Variants in ALPL observed in about 807,000 individuals in gnomAD.
ALPL encodes alkaline phosphatase, tissue-nonspecific isozyme.
Under a neutral mutation model 51.3 loss-of-function variants are expected in ALPL, and 42 were observed. The observed-to-expected ratio is 0.82, with a 90% confidence interval of 0.64 to 1.06. ALPL has a LOEUF of 1.06. Among genes scored for constraint, ALPL ranks in the 50% least tolerant of loss-of-function variants. The pLI is 0.00. For synonymous variants in ALPL, 279 were observed against 296.4 expected (o/e 0.94, Z 0.60); for missense variants, 589 against 709.4 (o/e 0.83, Z 1.93).
At position 21,544,042 on chromosome 1, in the gene ALPL, C is replaced by G. The variant is rs539634766; in HGVS notation, c.-104-9936C>G. ...ATGGAGGCCTGTGCAGGGCCTGGCC[C>G]AGTACCTGCCATCGATGTGACCTCT... On this transcript the variant is annotated intron_variant, in intron 1 of 11. Transcript: ENST00000374840. Among the ~76,000 whole-genome samples, 8 of 152,300 alleles carry G rather than the reference C, an allele frequency of 5.3e-5. No individual in the cohort carries two copies. The East Asian group carries it at 9.7e-4, about 18-fold the overall frequency.
Position 21,520,188 on chromosome 1 carries a change from G to A in ALPL, c.-105+10671G>A, listed in dbSNP as rs1036658005. Among the ~76,000 whole-genome samples the A allele has an allele frequency of 3.3e-5, 5 of 152,024 alleles. No individual in the cohort carries two copies. The East Asian group carries it at 5.8e-4, about 18-fold the overall frequency. ...GTCACCCAGGCTGGAGTTCAGGCAC[G>A]ATCATAGTTGACTGCGGCCTTGACT... On this transcript the variant is annotated intron_variant, in intron 1 of 11. Transcript: ENST00000374840.
Position 21,564,256 on chromosome 1 carries a change from C to CGG in ALPL, c.648+43_648+44dup. ...GCAGCCGGGCAGGGACGGGGTGAGGCGGGGCCTCTGGTGGGCAGGAGGCCT... is the reference window on the plus strand; with the variant it reads ...GCAGCCGGGCAGGGACGGGGTGAGGCGGGGGGCCTCTGGTGGGCAGGAGGCCT... On this transcript the variant is annotated intron_variant, in intron 6 of 11. Coordinates refer to ENST00000374840, the MANE Select transcript of ALPL (RefSeq NM_000478.6). The surrounding 1 kb of genome is among the most constrained non-coding windows in gnomAD (Gnocchi z 5.8). 2 of 1,608,796 alleles carry CGG rather than the reference C, an allele frequency of 1.2e-6. No homozygotes were observed.
chr1:21,520,466 CTTTT>C (rs35922763), intron 1 of ALPL, among the ~76,000 whole-genome samples: 1 of 111,456 alleles, frequency 9.0e-6, no homozygotes, highest in Non-Finnish European at 1.7e-5. Flanking sequence ...TCTTTTTTCT[CTTTT>C]TTTTTTTTTT....
chr1:21,529,633 G>A (rs1644002104), intron 1 of ALPL, among the ~76,000 whole-genome samples: 2 of 152,160 alleles, frequency 1.3e-5, no homozygotes, highest in South Asian at 4.1e-4. Flanking sequence ...TTCTACTTAT[G>A]TGTTTGTTAT....
intron 3 of ALPL, 67 bp from the exon 4 acceptor site, chr1:21,561,030 G>A (rs1450393170): frequency 7.0e-7 from 1 of 1,427,350 alleles, no homozygotes; most frequent in Non-Finnish European, 9.7e-7. Flanking sequence ...AGAGCTTCTG[G>A]GTACCCAAGC....
At chr1:21,569,579 G>A (rs1295104581) in intron 7 of ALPL, among the ~76,000 whole-genome samples, 1 of 152,160 alleles carries the variant, frequency 6.6e-6, no homozygotes, top group Non-Finnish European at 1.5e-5. Context: ...TGGGAGGGGG[G>A]GTGCGGAGCC....
At chr1:21,526,853 A>G (rs1242475405) in intron 1 of ALPL, among the ~76,000 whole-genome samples, 1 of 152,102 alleles carries the variant, frequency 6.6e-6, no homozygotes, top group Non-Finnish European at 1.5e-5. Context: ...TTTCCCTACA[A>G]AGACAAGATT....
intron 1 of ALPL, among the ~76,000 whole-genome samples, chr1:21,534,114 G>A (rs61778371): frequency 2.3e-3 from 356 of 152,162 alleles, no homozygotes; most frequent in Middle Eastern, 0.01. Flanking sequence ...CCTCCTGAGT[G>A]GCTGGGCCTA....
chr1:21,523,305 AAAAAAC>A (rs1643902498), intron 1 of ALPL, among the ~76,000 whole-genome samples: 1 of 152,182 alleles, frequency 6.6e-6, no homozygotes, highest in South Asian at 2.1e-4. Flanking sequence ...TCTCAAAAAC[AAAAAAC>A]AAAAACAAAA....
intron 1 of ALPL, among the ~76,000 whole-genome samples, chr1:21,544,902 T>G (rs944685119): frequency 9.2e-5 from 14 of 151,842 alleles, no homozygotes; most frequent in African/African-American, 3.4e-4. Context: ...AACCAGGTTT[T>G]GTTTTGTTTT....
At chr1:21,543,774 C>T (rs372072033) in intron 1 of ALPL, among the ~76,000 whole-genome samples, 1 of 152,160 alleles carries the variant, frequency 6.6e-6, no homozygotes, top group Non-Finnish European at 1.5e-5. Context: ...TCTGGGGCTG[C>T]GTGCTCTAGA....
At chr1:21,562,887 G>A (rs1644504440) in intron 4 of ALPL, among the ~76,000 whole-genome samples, 1 of 152,190 alleles carries the variant, frequency 6.6e-6, no homozygotes, top group Admixed American at 6.5e-5. Flanking sequence ...GGAGAGCTAA[G>A]GTCCTGCCCC....
chr1:21,525,390 G>A (rs1351961778), intron 1 of ALPL, among the ~76,000 whole-genome samples: 1 of 152,240 alleles, frequency 6.6e-6, no homozygotes, highest in Non-Finnish European at 1.5e-5. Context: ...CTATTCCTGT[G>A]ATGGAGGCAG....
At chr1:21,528,342 G>A (rs1407159067) in intron 1 of ALPL, among the ~76,000 whole-genome samples, 1 of 111,944 alleles carries the variant, frequency 8.9e-6, no homozygotes, top group Non-Finnish European at 1.8e-5. Flanking sequence ...GACCTATTCA[G>A]TTTTTTTTTT....
At chr1:21,519,841 G>A (rs1190380646) in intron 1 of ALPL, among the ~76,000 whole-genome samples, 5 of 152,064 alleles carry the variant, frequency 3.3e-5, no homozygotes, top group African/African-American at 7.2e-5. Context: ...GAGGGTGGTG[G>A]GCCCCGGACC....
chr1:21,525,513 TG>T (rs1232097780), intron 1 of ALPL, among the ~76,000 whole-genome samples: 1 of 152,210 alleles, frequency 6.6e-6, no homozygotes, highest in East Asian at 1.9e-4. Flanking sequence ...CGTGCTCACC[TG>T]GGTGCTGGCG....
chr1:21,510,236 A>C (rs541839103), intron 1 of ALPL, among the ~76,000 whole-genome samples: 1 of 152,208 alleles, frequency 6.6e-6, no homozygotes, highest in Non-Finnish European at 1.5e-5. Context: ...GAAAGGGTTA[A>C]ACGCAGGTCT....
intron 10 of ALPL, 45 bp downstream of exon 10, chr1:21,575,969 C>G: frequency 6.2e-7 from 1 of 1,607,816 alleles, no homozygotes; most frequent in African/African-American, 1.3e-5. Context: ...GGTCTCCTGT[C>G]TACCCACCTG....
chr1:21,566,493 G>T (rs1164875557), intron 6 of ALPL, among the ~76,000 whole-genome samples: 5 of 152,012 alleles, frequency 3.3e-5, no homozygotes. Context: ...GTTTCGCCAT[G>T]TTGGCCAGGC....
Sources: gnomAD v4.1 joint callset for allele counts (sites outside exome capture counted in the v4.1 genomes callset) on GRCh38, gnomAD v4.1.1 for gene constraint, Gnocchi (gnomAD v3.1) non-coding constraint, MANE v1.5 for transcripts, NCBI Gene and HGNC (gene_info 2026-07-23, HGNC 2026-07-21) for gene names.